The following PAIP2B variants were observed in gnomAD, a reference collection of about 807,000 sequenced individuals.
PAIP2B encodes the protein polyadenylate-binding protein-interacting protein 2B.
In PAIP2B, 13 loss-of-function variants were observed where a neutral mutation model predicts 17.0. The ratio of observed to expected loss-of-function variants is 0.76; its 90% CI spans 0.50 to 1.22. The LOEUF is 1.22. PAIP2B is among the 50% of genes most tolerant of loss of function. PAIP2B has a pLI of 0.00. For missense variants in PAIP2B, 117 were observed against 144.5 expected (o/e 0.81, Z 0.98); for synonymous variants, 43 against 48.7 (o/e 0.88, Z 0.48).
At chr2:71,214,007 A>T (rs1675366549) in intron 1 of PAIP2B, among the ~76,000 whole-genome samples, 1 of 152,148 alleles carries the variant, frequency 6.6e-6, no homozygotes, top group Non-Finnish European at 1.5e-5. Flanking sequence ...TCATTTATTT[A>T]TTAAAAAAAA....
At chr2:71,201,012 T>TGG (rs1194516834) in intron 2 of PAIP2B, among the ~76,000 whole-genome samples, 1 of 7,898 alleles carries the variant, frequency 1.3e-4, no homozygotes, top group South Asian at 0.012. Context: ...TGTGTGGGTG[T>TGG]GTGTGTGTGT....
At chr2:71,205,911 T>C (rs1675113936) in intron 1 of PAIP2B, among the ~76,000 whole-genome samples, 2 of 152,126 alleles carry the variant, frequency 1.3e-5, no homozygotes, top group South Asian at 4.1e-4. Context: ...AAATGAACCA[T>C]CATGTAAGTG....
At chr2:71,215,251 T>C (rs1481628978) in intron 1 of PAIP2B, among the ~76,000 whole-genome samples, 1 of 151,460 alleles carries the variant, frequency 6.6e-6, no homozygotes, top group Non-Finnish European at 1.5e-5. Context: ...ACAACCAAGA[T>C]CGTGCCACCG....
chr2:71,206,504 A>G (rs1279459440), intron 1 of PAIP2B, among the ~76,000 whole-genome samples: 2 of 152,196 alleles, frequency 1.3e-5, no homozygotes, highest in African/African-American at 4.8e-5. Flanking sequence ...AGTTGGCACT[A>G]TCATGGTCAA....
intron 1 of PAIP2B, among the ~76,000 whole-genome samples, chr2:71,209,804 A>G (rs984785247): frequency 2.6e-5 from 4 of 152,090 alleles, no homozygotes; most frequent in African/African-American, 9.7e-5. Context: ...ATAATTTTAT[A>G]AAGCCTTTTA....
rs370383769 is a variant in PAIP2B at position 71,186,112 on chromosome 2, T to C, written c.*2367A>G. On this transcript the variant is annotated 3_prime_UTR_variant, in exon 4 of 4. Coordinates refer to ENST00000244221, the MANE Select transcript of PAIP2B (RefSeq NM_020459.1). ...GGTGTCCAGTCTGGCTTGCTGGTTC[T>C]TCTTCTGTGAGAAAAGTCACTGACA... 6.6e-6 allele frequency: 1 copy of C among 152,236 alleles called. No individual in the cohort carries two copies. Among genetic ancestry groups the C allele is most frequent in the Non-Finnish European group, 1.5e-5 (1 of 68,034 alleles). The allele number at this position is 152,236 out of a possible 1,614,324, so 9.4% of individuals were successfully genotyped here.
intron 2 of PAIP2B, among the ~76,000 whole-genome samples, chr2:71,195,420 G>A (rs1674791636): frequency 6.6e-6 from 1 of 152,116 alleles, no homozygotes; most frequent in Non-Finnish European, 1.5e-5. Context: ...TCAGTTCAGG[G>A]AATCAATTTC....
chr2:71,202,854 G>C (rs1175754872), intron 1 of PAIP2B, among the ~76,000 whole-genome samples: 4 of 152,052 alleles, frequency 2.6e-5, no homozygotes, highest in Admixed American at 2.6e-4. Flanking sequence ...GTCTTTCTAG[G>C]CAGGTGGGAC....
intron 2 of PAIP2B, among the ~76,000 whole-genome samples, chr2:71,195,983 C>A (rs753598652): frequency 2.0e-5 from 3 of 152,130 alleles, no homozygotes; most frequent in Non-Finnish European, 4.4e-5. Context: ...ATTCGCTGAT[C>A]TCTTAAATGG....
In PAIP2B at chr2:71,184,073, G is replaced by A. The variant is rs1674468349; in HGVS notation, c.*4406C>T. 1 of 152,162 alleles carries A rather than the reference G, an allele frequency of 6.6e-6. No homozygotes were observed. The highest frequency in any genetic ancestry group is 2.1e-4 in the South Asian group (1 of 4,826). 9.4% of individuals were successfully genotyped at this position (152,162 alleles called of 1,614,324 possible). On this transcript the variant is annotated 3_prime_UTR_variant, in exon 4 of 4. Coordinates refer to ENST00000244221, the MANE Select transcript of PAIP2B (RefSeq NM_020459.1). ...GAAATATTTTACTGTTTTGTAGTAA[G>A]CACATTTTAGTAACTGTACACTAGT...
intron 1 of PAIP2B, among the ~76,000 whole-genome samples, chr2:71,212,147 G>A (rs1410797379): frequency 6.6e-6 from 1 of 152,168 alleles, no homozygotes; most frequent in Non-Finnish European, 1.5e-5. Context: ...ACCAACAAGT[G>A]TCTCCATACA....
intron 2 of PAIP2B, among the ~76,000 whole-genome samples, chr2:71,199,628 G>A (rs537635666): frequency 6.6e-5 from 10 of 150,938 alleles, no homozygotes; most frequent in East Asian, 2.0e-4. Context: ...GTGCAGTGGC[G>A]CGATCTCAGC....
chr2:71,211,932 A>C (rs1031292525), intron 1 of PAIP2B, among the ~76,000 whole-genome samples: 23 of 152,298 alleles, frequency 1.5e-4, no homozygotes, highest in African/African-American at 5.1e-4. Context: ...TTGAGTCCTC[A>C]AGTTCCAACT....
chr2:71,189,274 A>G (rs1674621716), intron 3 of PAIP2B, among the ~76,000 whole-genome samples: 1 of 152,134 alleles, frequency 6.6e-6, no homozygotes, highest in Admixed American at 6.5e-5. Flanking sequence ...CAGCCTCCCA[A>G]AGTGCTGGGA....
chr2:71,225,654 T>C (rs565033299), intron 1 of PAIP2B, among the ~76,000 whole-genome samples: 35 of 152,322 alleles, frequency 2.3e-4, no homozygotes, highest in Non-Finnish European at 4.0e-4. Flanking sequence ...ATATCTGAAT[T>C]TATATTTTCA....
chr2:71,207,350 A>T (rs1016852921), intron 1 of PAIP2B, among the ~76,000 whole-genome samples: 2 of 152,196 alleles, frequency 1.3e-5, no homozygotes, highest in African/African-American at 4.8e-5. Context: ...GGGAACTACA[A>T]GAAGGTAGGT....
chr2:71,207,340 G>A (rs772586656), intron 1 of PAIP2B, among the ~76,000 whole-genome samples: 5 of 152,178 alleles, frequency 3.3e-5, no homozygotes, highest in South Asian at 2.1e-4. Flanking sequence ...GGGAATTTTC[G>A]GGAACTACAA....
At chr2:71,189,074 T>C (rs187185496) in intron 3 of PAIP2B, among the ~76,000 whole-genome samples, 6 of 151,098 alleles carry the variant, frequency 4.0e-5, no homozygotes, top group African/African-American at 1.5e-4. Flanking sequence ...GGTGCAATCT[T>C]GGCTCACTGC....
intron 2 of PAIP2B, among the ~76,000 whole-genome samples, chr2:71,200,980 G>A (rs867411668): frequency 6.7e-6 from 1 of 150,344 alleles, no homozygotes; most frequent in Non-Finnish European, 1.5e-5. Flanking sequence ...CTTCTCAACT[G>A]TCTTTCCTCA....
Sources: allele counts gnomAD v4.1 joint callset (sites outside exome capture counted in the v4.1 genomes callset), GRCh38; gene constraint gnomAD v4.1.1; transcripts MANE v1.5; gene names NCBI Gene and HGNC (gene_info 2026-07-23, HGNC 2026-07-21).